LNX2: variants seen among roughly 807,000 people sequenced by gnomAD.
The protein encoded by LNX2 is ligand of Numb protein X 2.
In LNX2, 35 loss-of-function variants were observed where a neutral mutation model predicts 66.2. The ratio of observed to expected loss-of-function variants is 0.53; its 90% CI spans 0.40 to 0.70. The LOEUF is 0.70. Among genes scored for constraint, LNX2 ranks in the 30% least tolerant of loss-of-function variants. The pLI is 0.00. For synonymous variants in LNX2, 337 were observed against 315.6 expected, an observed-to-expected ratio of 1.07 and a Z score of -0.72; for missense variants, 791 against 850.8, an observed-to-expected ratio of 0.93 and a Z score of 0.87.
At chr13:27,549,098 C>A (rs1458627559) in intron 9 of LNX2, among the ~76,000 whole-genome samples, 1 of 152,186 alleles carries the variant, frequency 6.6e-6, no homozygotes, top group East Asian at 1.9e-4. Context: ...GAGGCCCAGA[C>A]TGGTTAAGTA....
intron 1 of LNX2, among the ~76,000 whole-genome samples, chr13:27,602,571 G>A (rs894813929): frequency 2.0e-5 from 3 of 152,132 alleles, no homozygotes; most frequent in African/African-American, 4.8e-5. Flanking sequence ...TGCATTGCTT[G>A]GCAGTATATC....
Position 27,547,335 on chromosome 13 carries a change from C to CAGCTT in LNX2, c.*995_*999dup, listed in dbSNP as rs1407156001. 2.0e-5 allele frequency: 3 copies of CAGCTT among 152,258 alleles called. No homozygotes were observed. The highest frequency in any genetic ancestry group is 2.9e-5 in the Non-Finnish European group (2 of 68,008). 9.4% of individuals were successfully genotyped at this position (152,258 alleles called of 1,614,324 possible). ...TGCTTTTGGGCTGTTCAAGTAAGTG[C>CAGCTT]AGCTTTACCATCTCTAACATTAAGT... is the stretch of plus-strand genomic sequence containing the variant. On this transcript the variant is annotated 3_prime_UTR_variant, in exon 10 of 10. Transcript: ENST00000316334.
intron 8 of LNX2, among the ~76,000 whole-genome samples, chr13:27,551,515 C>T (rs1293540583): frequency 6.6e-6 from 1 of 151,650 alleles, no homozygotes; most frequent in African/African-American, 2.4e-5. Context: ...GAAAAAAAAA[C>T]TCTTCATAAT....
At chr13:27,617,217 C>T (rs1955837326) in intron 1 of LNX2, among the ~76,000 whole-genome samples, 1 of 152,164 alleles carries the variant, frequency 6.6e-6, no homozygotes, top group Non-Finnish European at 1.5e-5. Flanking sequence ...TTTTGTAAGA[C>T]TCTCAGGCCC....
At chr13:27,572,305 C>T (rs1341598803) in intron 2 of LNX2, among the ~76,000 whole-genome samples, 1 of 152,110 alleles carries the variant, frequency 6.6e-6, no homozygotes, top group Non-Finnish European at 1.5e-5. Context: ...TTTATTCAGG[C>T]AGGTGACTCA....
chr13:27,614,349 C>T (rs1955804732), intron 1 of LNX2, among the ~76,000 whole-genome samples: 1 of 152,134 alleles, frequency 6.6e-6, no homozygotes, highest in South Asian at 2.1e-4. Flanking sequence ...GATATCTGTT[C>T]AGGTTTTTTG....
intron 2 of LNX2, among the ~76,000 whole-genome samples, chr13:27,577,430 T>C (rs975682093): frequency 6.6e-6 from 1 of 152,180 alleles, no homozygotes; most frequent in African/African-American, 2.4e-5. Context: ...TAGTTTTTCC[T>C]GGACCATCAT....
intron 6 of LNX2, among the ~76,000 whole-genome samples, chr13:27,557,385 C>T (rs915633408): frequency 4.0e-4 from 61 of 152,018 alleles, no homozygotes; most frequent in African/African-American, 1.2e-3. Flanking sequence ...AAAGAATGTA[C>T]TATATATTAA....
chr13:27,602,923 A>G (rs533618083), intron 1 of LNX2, among the ~76,000 whole-genome samples: 12 of 152,342 alleles, frequency 7.9e-5, no homozygotes, highest in African/African-American at 2.9e-4. Context: ...TGTAAGATAC[A>G]GCACAAAAAT....
chr13:27,581,068 ATT>A (rs898547006), intron 2 of LNX2, among the ~76,000 whole-genome samples: 3 of 152,266 alleles, frequency 2.0e-5, no homozygotes, highest in African/African-American at 7.2e-5. Flanking sequence ...CAGCAGAAAT[ATT>A]AACAGGTATA....
chr13:27,611,725 C>T (rs1955775318), intron 1 of LNX2, among the ~76,000 whole-genome samples: 2 of 152,156 alleles, frequency 1.3e-5, no homozygotes, highest in Non-Finnish European at 2.9e-5. Flanking sequence ...AACCATTTCA[C>T]TAGATTTCAG....
At chr13:27,606,032 T>C (rs1955711394) in intron 1 of LNX2, among the ~76,000 whole-genome samples, 1 of 152,154 alleles carries the variant, frequency 6.6e-6, no homozygotes, top group Non-Finnish European at 1.5e-5. Context: ...AAATGAAAGC[T>C]ATTCTAAGAG....
intron 1 of LNX2, among the ~76,000 whole-genome samples, chr13:27,607,070 TAAAAATGGG>T (rs1955724810): frequency 6.6e-6 from 1 of 152,186 alleles, no homozygotes; most frequent in Non-Finnish European, 1.5e-5. Context: ...TTTCCTATCA[TAAAAATGGG>T]AGAAATGTAA....
intron 1 of LNX2, among the ~76,000 whole-genome samples, chr13:27,606,387 A>G (rs904504397): frequency 9.6e-4 from 146 of 151,754 alleles, no homozygotes; most frequent in Admixed American, 2.2e-3. Context: ...CGAAAAAAAA[A>G]AAAAGAGAGA....
chr13:27,618,066 G>C (rs1955846282), intron 1 of LNX2, among the ~76,000 whole-genome samples: 1 of 152,210 alleles, frequency 6.6e-6, no homozygotes, highest in Admixed American at 6.5e-5. Context: ...TATTCTAAGG[G>C]TAAGTAATAG....
At chr13:27,550,597 AAGAAAAAGGGCTATTAATAAAT>A in intron 8 of LNX2, 106 bp from the exon 9 acceptor site, 1 of 742,992 alleles carries the variant, frequency 1.3e-6, no homozygotes, top group South Asian at 2.0e-5. Flanking sequence ...TCTTGGAAAA[AAGAAAAAGGGCTATTAATAAAT>A]AGATTATTTT....
upstream of LNX2, among the ~76,000 whole-genome samples, chr13:27,620,565 C>T (rs1045984067): frequency 6.6e-6 from 1 of 152,180 alleles, no homozygotes; most frequent in African/African-American, 2.4e-5. Context: ...CTTCACTTCT[C>T]AACCGCCCCT....
At position 27,612,010 on chromosome 13, in the gene LNX2, A is replaced by C. The variant is rs565497170; in HGVS notation, c.-101+8365T>G. Among the ~76,000 whole-genome samples the C allele has an allele frequency of 5.8e-4, 89 of 152,220 alleles. 1 individual carries two copies. Among genetic ancestry groups the C allele is most frequent in the Admixed American group, 2.7e-3 (42 of 15,288 alleles). ...ATTGATAAAGCCGCTCCTGAAGGAG[A>C]CTTGAAGAGATAACAGGCACATTTG... On this transcript the variant is annotated intron_variant, in intron 1 of 9. Transcript: ENST00000316334.
chr13:27,568,125 G>A (rs543482370), intron 3 of LNX2, among the ~76,000 whole-genome samples: 2 of 152,270 alleles, frequency 1.3e-5, no homozygotes, highest in South Asian at 4.1e-4. Flanking sequence ...AAGTCATTCT[G>A]TCCTCATTGA....
Sources: gnomAD v4.1 joint callset for allele counts (sites outside exome capture counted in the v4.1 genomes callset) on GRCh38, gnomAD v4.1.1 for gene constraint, MANE v1.5 for transcripts, NCBI Gene and HGNC (gene_info 2026-07-23, HGNC 2026-07-21) for gene names.